The following ADRA1B variants were observed in gnomAD, a reference collection of about 807,000 sequenced individuals.
The protein encoded by ADRA1B is alpha-1B adrenergic receptor.
In ADRA1B, 17 loss-of-function variants were observed where a neutral mutation model predicts 17.9. That is an observed-to-expected ratio of 0.95 (90% CI 0.65 to 1.42). The LOEUF (loss-of-function observed/expected upper bound fraction) is 1.42. ADRA1B is among the 40% of genes most tolerant of loss of function. The pLI, the probability that ADRA1B is intolerant of heterozygous loss-of-function variation, is 0.00. For missense variants in ADRA1B, 681 were observed against 722.1 expected (o/e 0.94, Z 0.65); for synonymous variants, 366 against 327.6 (o/e 1.12, Z -1.27).
intron 1 of ADRA1B, chr5:159,955,272 T>A: frequency 1.2e-6 from 1 of 867,002 alleles, no homozygotes; most frequent in Non-Finnish European, 1.4e-6. Flanking sequence ...GGGAGGAATG[T>A]GTGCCAGACT....
At chr5:159,988,805 C>T in the ADRA1B span, among the ~76,000 whole-genome samples, 2 of 152,124 alleles carry the variant, frequency 1.3e-5, no homozygotes, top group Non-Finnish European at 2.9e-5. Context: ...AGCAAGACCC[C>T]ATCTCTACAA....
intron 1 of ADRA1B, among the ~76,000 whole-genome samples, chr5:159,923,768 C>T (rs1754560183): frequency 6.6e-6 from 1 of 152,256 alleles, no homozygotes; most frequent in Non-Finnish European, 1.5e-5. Flanking sequence ...TCCTTGGACC[C>T]CATTGTAGAC....
chr5:159,892,682 G>T (rs756619554), intron 1 of ADRA1B, among the ~76,000 whole-genome samples: 6 of 152,310 alleles, frequency 3.9e-5, no homozygotes, highest in Admixed American at 1.3e-4. Flanking sequence ...TTTTACGGCT[G>T]CATAGTATTC....
At chr5:159,891,476 G>T (rs959729047) in intron 1 of ADRA1B, among the ~76,000 whole-genome samples, 1 of 152,140 alleles carries the variant, frequency 6.6e-6, no homozygotes, top group Non-Finnish European at 1.5e-5. Context: ...GTTGATGGGG[G>T]AGGGTAAGAA....
At chr5:159,905,102 T>C (rs377472040) in intron 1 of ADRA1B, among the ~76,000 whole-genome samples, 1 of 152,182 alleles carries the variant, frequency 6.6e-6, no homozygotes, top group East Asian at 1.9e-4. Context: ...AATAGGACAT[T>C]GGTAGAATTT....
At chr5:159,951,429 T>C in intron 1 of ADRA1B, 1 of 767,726 alleles carries the variant, frequency 1.3e-6, no homozygotes, top group South Asian at 1.3e-5. Flanking sequence ...TTACTAGAGT[T>C]AAAAGCTGCC....
upstream of ADRA1B, among the ~76,000 whole-genome samples, chr5:159,914,921 A>G (rs1446010065): frequency 1.3e-5 from 2 of 152,326 alleles, no homozygotes; most frequent in Non-Finnish European, 2.9e-5. Flanking sequence ...GCTCTGCCAT[A>G]TATTTGCTAG....
intron 1 of ADRA1B, among the ~76,000 whole-genome samples, chr5:159,963,594 A>G (rs995796076): frequency 3.9e-5 from 6 of 152,330 alleles, no homozygotes; most frequent in African/African-American, 1.2e-4. Flanking sequence ...CCTTGGGAAC[A>G]GTGGCTGTTG....
In ADRA1B at chr5:159,945,529, T is replaced by C. The variant is rs186735919; in HGVS notation, c.950-26350T>C. On this transcript the variant is annotated intron_variant, in intron 1 of 1. Coordinates refer to ENST00000306675, the MANE Select transcript of ADRA1B (RefSeq NM_000679.4). ...CCCTGAGATAGGAATGCATTTGACA[T>C]GAGTGACATGGAAAATGGCAGCCAG... Among the ~76,000 whole-genome samples, 524 of 152,090 alleles carry C rather than the reference T, an allele frequency of 3.4e-3. 3 individuals carry two copies. The highest frequency in any genetic ancestry group is 0.012 in the African/African-American group (514 of 41,474).
At chr5:159,942,580 G>GCGGGAGGAACACTTGAGCC (rs1561602254) in intron 1 of ADRA1B, among the ~76,000 whole-genome samples, 2 of 152,280 alleles carry the variant, frequency 1.3e-5, no homozygotes, top group African/African-American at 4.8e-5. Context: ...GGAGGCTAAG[G>GCGGGAGGAACACTTGAGCC]CGGGAGGAAC....
At chr5:159,977,205 C>T (rs985725592), downstream of ADRA1B, among the ~76,000 whole-genome samples, 7 of 152,144 alleles carry the variant, frequency 4.6e-5, no homozygotes, top group African/African-American at 1.7e-4. Context: ...ACACATGGAA[C>T]CCAGGTTATA....
At chr5:159,916,346 C>CG (rs1754302579), upstream of ADRA1B, 1 of 151,742 alleles carries the variant, frequency 6.6e-6, no homozygotes, top group South Asian at 2.1e-4. Context: ...CTGGGAGCGG[C>CG]GGGGGACGCG....
At chr5:159,932,678 T>A (rs1306171840) in intron 1 of ADRA1B, among the ~76,000 whole-genome samples, 1 of 152,184 alleles carries the variant, frequency 6.6e-6, no homozygotes, top group African/African-American at 2.4e-5. Flanking sequence ...ATTAACAGTT[T>A]CTTATATATC....
intron 1 of ADRA1B, among the ~76,000 whole-genome samples, chr5:159,866,457 C>T (rs1753654587): frequency 2.6e-5 from 4 of 151,848 alleles, no homozygotes; most frequent in Non-Finnish European, 5.9e-5. Flanking sequence ...CATGATAGCA[C>T]ATGCCTGTAA....
chr5:159,955,782 C>A (rs936463864), intron 1 of ADRA1B, among the ~76,000 whole-genome samples: 2 of 152,124 alleles, frequency 1.3e-5, no homozygotes, highest in Non-Finnish European at 2.9e-5. Flanking sequence ...CTAATGCGAC[C>A]CCCTTGTTTT....
chr5:159,901,334 A>G (rs888341085), intron 1 of ADRA1B, among the ~76,000 whole-genome samples: 13 of 148,310 alleles, frequency 8.8e-5, no homozygotes, highest in African/African-American at 2.2e-4. Flanking sequence ...AGCACAGCCA[A>G]ATAAGTCAAA....
intron 1 of ADRA1B, among the ~76,000 whole-genome samples, chr5:159,884,762 T>C (rs1189275659): frequency 6.6e-6 from 1 of 152,154 alleles, no homozygotes; most frequent in African/African-American, 2.4e-5. Flanking sequence ...CCAAATGAAC[T>C]AGAAATGTTC....
chr5:159,970,788 C>T (rs1436245919), intron 1 of ADRA1B, among the ~76,000 whole-genome samples: 2 of 152,088 alleles, frequency 1.3e-5, no homozygotes, highest in African/African-American at 2.4e-5. Context: ...CAGGTATGTC[C>T]CTTTGTGGTT....
At chr5:159,907,111 A>G (rs1754170761) in intron 1 of ADRA1B, among the ~76,000 whole-genome samples, 1 of 152,192 alleles carries the variant, frequency 6.6e-6, no homozygotes, top group South Asian at 2.1e-4. Context: ...ACCAATGGCC[A>G]TGAATTATAT....
Sources: gnomAD v4.1 joint callset for allele counts (sites outside exome capture counted in the v4.1 genomes callset) on GRCh38, gnomAD v4.1.1 for gene constraint, MANE v1.5 for transcripts, NCBI Gene and HGNC (gene_info 2026-07-23, HGNC 2026-07-21) for gene names.